Variants in TBC1D5 observed in about 807,000 individuals in gnomAD.
The protein encoded by TBC1D5 is TBC1 domain family member 5.
A neutral mutation model predicts 100.3 loss-of-function variants in TBC1D5; 75 were observed. The observed-to-expected ratio is 0.75, with a 90% confidence interval of 0.62 to 0.91. TBC1D5 has a LOEUF of 0.91. Ranked by LOEUF, TBC1D5 falls within the 40% of genes least tolerant of loss-of-function variation. The pLI, the probability that TBC1D5 is intolerant of heterozygous loss-of-function variation, is 0.00. For missense variants in TBC1D5, 910 were observed against 942.4 expected, an observed-to-expected ratio of 0.97 and a Z score of 0.45; for synonymous variants, 323 against 325.6, an observed-to-expected ratio of 0.99 and a Z score of 0.09.
chr3:17,331,901 A>T (rs1193381371), intron 13 of TBC1D5, among the ~76,000 whole-genome samples: 1 of 152,202 alleles, frequency 6.6e-6, no homozygotes, highest in Middle Eastern at 3.2e-3. Flanking sequence ...ACGGGTTTGG[A>T]AAATGAGGTT....
intron 3 of TBC1D5, among the ~76,000 whole-genome samples, chr3:17,498,440 G>C (rs979283865): frequency 2.6e-5 from 4 of 152,168 alleles, no homozygotes; most frequent in Admixed American, 2.0e-4. Context: ...ATAGGGCAAA[G>C]TGTATTATCA....
intron 13 of TBC1D5, among the ~76,000 whole-genome samples, chr3:17,339,905 A>G (rs1330305567): frequency 6.6e-6 from 1 of 152,228 alleles, no homozygotes; most frequent in Admixed American, 6.5e-5. Context: ...AAGAAAAACA[A>G]AGTTTACATT....
intron 15 of TBC1D5, among the ~76,000 whole-genome samples, chr3:17,277,021 T>C (rs1318349534): frequency 2.0e-5 from 3 of 152,210 alleles, no homozygotes; most frequent in African/African-American, 7.2e-5. Flanking sequence ...TGAATTACAA[T>C]GGATTATTGC....
intron 1 of TBC1D5, chr3:17,663,094 TG>T: frequency 6.6e-6 from 1 of 152,220 alleles, no homozygotes; most frequent in Non-Finnish European, 1.5e-5. Flanking sequence ...ATTGTAATTT[TG>T]TATGTACAAT....
Position 17,336,434 on chromosome 3 carries a change from G to T in TBC1D5, c.996-28300C>A, listed in dbSNP as rs532403581. 1.1e-3 allele frequency among the ~76,000 whole-genome samples: 169 copies of T among 152,168 alleles called. 1 individual carries two copies. Among genetic ancestry groups the T allele is most frequent in the Non-Finnish European group, 2.0e-3 (133 of 67,994 alleles). On this transcript the variant is annotated intron_variant, in intron 13 of 21. Transcript: ENST00000253692. The stretch of plus-strand genomic sequence containing the variant: ...TTATTTTGTTTCCTGTAATCAAGCA[G>T]AAGTCTGAAGTATGTGACTGCTGGC...
intron 13 of TBC1D5, among the ~76,000 whole-genome samples, chr3:17,316,939 C>A (rs1439571512): frequency 6.6e-6 from 1 of 152,066 alleles, no homozygotes; most frequent in African/African-American, 2.4e-5. Flanking sequence ...GTGGCAGGTA[C>A]TGTGCTAGGC....
intron 13 of TBC1D5, among the ~76,000 whole-genome samples, chr3:17,345,879 T>C (rs922934086): frequency 3.4e-5 from 5 of 148,550 alleles, no homozygotes; most frequent in African/African-American, 1.0e-4. Flanking sequence ...TGAGAACACA[T>C]GGACACAGGA....
At position 17,233,737 on chromosome 3, in the gene TBC1D5, T is replaced by G. The variant is rs755257217; in HGVS notation, c.1588+4426A>C. On this transcript the variant is annotated intron_variant, in intron 17 of 21. Coordinates refer to ENST00000253692, the Ensembl canonical transcript of TBC1D5. ...GAACAGAAACCTGAGCATCGCTTCC[T>G]GTAACTACATCGCCTGGATTTCATA... The G allele has an allele frequency of 3.6e-5, 56 of 1,543,758 alleles. No homozygotes were observed. The African/African-American group carries it at 6.9e-4, about 19-fold the overall frequency.
chr3:17,347,124 A>C (rs2089994935), intron 13 of TBC1D5, among the ~76,000 whole-genome samples: 1 of 152,194 alleles, frequency 6.6e-6, no homozygotes, highest in African/African-American at 2.4e-5. Context: ...TTGCTTTTCA[A>C]GAGGGTGGTA....
intron 2 of TBC1D5, among the ~76,000 whole-genome samples, chr3:17,591,513 G>C (rs1017344146): frequency 6.6e-6 from 1 of 152,074 alleles, no homozygotes; most frequent in Admixed American, 6.5e-5. Flanking sequence ...CTGGACACTG[G>C]CTCTGAGCTC....
chr3:17,257,593 C>T (rs2077833963), intron 16 of TBC1D5, among the ~76,000 whole-genome samples: 1 of 152,138 alleles, frequency 6.6e-6, no homozygotes, highest in Admixed American at 6.5e-5. Flanking sequence ...TTTATAACAA[C>T]ATTACACTAA....
intron 1 of TBC1D5, chr3:17,706,064 T>C: frequency 6.3e-7 from 1 of 1,595,848 alleles, no homozygotes; most frequent in Admixed American, 1.7e-5. Flanking sequence ...CCTACTGATT[T>C]CCCCCGACCC....
At chr3:17,504,026 A>G (rs1182207804) in intron 3 of TBC1D5, among the ~76,000 whole-genome samples, 1 of 149,318 alleles carries the variant, frequency 6.7e-6, no homozygotes, top group Non-Finnish European at 1.5e-5. Context: ...AAAACAGGAG[A>G]GTATATTAAC....
intron 1 of TBC1D5, among the ~76,000 whole-genome samples, chr3:17,713,202 G>C (rs575855994): frequency 6.6e-6 from 1 of 151,006 alleles, no homozygotes; most frequent in African/African-American, 2.4e-5. Context: ...GATAAACTGG[G>C]TATCATCAAA....
intron 2 of TBC1D5, among the ~76,000 whole-genome samples, chr3:17,593,691 T>C (rs1560234113): frequency 6.6e-6 from 1 of 152,200 alleles, no homozygotes; most frequent in Non-Finnish European, 1.5e-5. Context: ...GGCACTCATT[T>C]TACAGCTAAA....
intron 3 of TBC1D5, among the ~76,000 whole-genome samples, chr3:17,494,512 AAATACT>A (rs2095679560): frequency 6.6e-6 from 1 of 152,216 alleles, no homozygotes; most frequent in Admixed American, 6.5e-5. Flanking sequence ...AGCAGGCAGG[AAATACT>A]AAGTCTGCTG....
intron 2 of TBC1D5, among the ~76,000 whole-genome samples, chr3:17,599,208 C>T (rs2060771182): frequency 6.6e-6 from 1 of 152,104 alleles, no homozygotes; most frequent in Non-Finnish European, 1.5e-5. Context: ...CTGGAAACCA[C>T]AGCCCCAAAT....
At chr3:17,343,843 T>C (rs2089417490) in intron 13 of TBC1D5, among the ~76,000 whole-genome samples, 1 of 152,174 alleles carries the variant, frequency 6.6e-6, no homozygotes, top group Non-Finnish European at 1.5e-5. Flanking sequence ...TTGTGTCTAT[T>C]TGATTCTTCT....
chr3:17,670,364 T>C (rs1276074080), intron 1 of TBC1D5, among the ~76,000 whole-genome samples: 3 of 152,180 alleles, frequency 2.0e-5, no homozygotes, highest in Non-Finnish European at 4.4e-5. Context: ...GTGTCCGTAA[T>C]TTATTTTCCA....
Sources: gnomAD v4.1 joint callset for allele counts (sites outside exome capture counted in the v4.1 genomes callset) on GRCh38, gnomAD v4.1.1 for gene constraint, MANE v1.5 for transcripts, NCBI Gene and HGNC (gene_info 2026-07-23, HGNC 2026-07-21) for gene names.